Variants in SLC22A24 observed in about 807,000 individuals in gnomAD.
SLC22A24 encodes steroid transmembrane transporter SLC22A24.
In SLC22A24, 53 loss-of-function variants were observed where a neutral mutation model predicts 49.8. The ratio of observed to expected loss-of-function variants is 1.06; its 90% CI spans 0.85 to 1.34. SLC22A24 has a LOEUF of 1.34. Among genes scored for constraint, SLC22A24 ranks in the 40% most tolerant of loss-of-function variants. SLC22A24 has a pLI of 0.00. For synonymous variants in SLC22A24, 302 were observed against 256.4 expected (o/e 1.18, Z -1.70); for missense variants, 786 against 675.9 (o/e 1.16, Z -1.81).
intron 6 of SLC22A24, among the ~76,000 whole-genome samples, chr11:63,091,201 T>C (rs12718479): frequency 0.53 from 81,096 of 151,976 alleles, 21,685 homozygotes; most frequent in African/African-American, 0.55. Flanking sequence ...CAAGATGAAC[T>C]TAGGAAGAAG....
intron 6 of SLC22A24, among the ~76,000 whole-genome samples, chr11:63,090,681 A>ATAAATAAG (rs1357735650): frequency 6.8e-6 from 1 of 148,090 alleles, no homozygotes; most frequent in African/African-American, 2.5e-5. Context: ...AAATAAATAA[A>ATAAATAAG]TAAATAAATA....
intron 4 of SLC22A24, chr11:63,116,076 C>T (rs2087210925): frequency 5.5e-6 from 2 of 363,552 alleles, no homozygotes; most frequent in South Asian, 1.3e-4. Context: ...GTTGCTGACA[C>T]TCTTTGGGAT....
chr11:63,112,922 G>C (rs1278808436), intron 4 of SLC22A24, among the ~76,000 whole-genome samples: 1 of 148,152 alleles, frequency 6.7e-6, no homozygotes, highest in Non-Finnish European at 1.5e-5. Flanking sequence ...GGCTGAGGCA[G>C]GAGAATGGCG....
At position 63,093,418 on chromosome 11, in the gene SLC22A24, A is replaced by C. The variant is rs1243846957; in HGVS notation, c.1070+2573T>G. Among the ~76,000 whole-genome samples the C allele has an allele frequency of 2.0e-5, 3 of 152,180 alleles. No homozygotes were observed. In the East Asian group the frequency reaches 5.8e-4, roughly 29 times the overall value. ...GTATGTTTATTGCAGCACTATTTAT[A>C]ATAGTAAAGTCTTGGAACCAACCCA... On this transcript the variant is annotated intron_variant, in intron 6 of 9. Transcript: ENST00000612278.
intron 6 of SLC22A24, among the ~76,000 whole-genome samples, chr11:63,086,111 C>T (rs962286259): frequency 1.4e-4 from 22 of 152,060 alleles, no homozygotes; most frequent in African/African-American, 4.6e-4. Flanking sequence ...TTCAGCCATT[C>T]GTGGAAAGCA....
chr11:63,139,837 G>A (rs183681297), intron 1 of SLC22A24, among the ~76,000 whole-genome samples: 1 of 152,260 alleles, frequency 6.6e-6, no homozygotes, highest in East Asian at 1.9e-4. Context: ...CTACCTGGAA[G>A]CCAGTAATCC....
At chr11:63,129,774 T>C (rs1297998772) in intron 2 of SLC22A24, among the ~76,000 whole-genome samples, 1 of 142,376 alleles carries the variant, frequency 7.0e-6, no homozygotes, top group African/African-American at 3.1e-5. Flanking sequence ...TTTGGCTCTC[T>C]GTTTGTCTGT....
intron 4 of SLC22A24, among the ~76,000 whole-genome samples, chr11:63,112,481 G>A (rs936326026): frequency 2.6e-5 from 4 of 152,112 alleles, no homozygotes; most frequent in Non-Finnish European, 4.4e-5. Context: ...TCGTGTGGGA[G>A]TCTAAGTCTC....
chr11:63,086,496 G>C (rs2086987751), intron 6 of SLC22A24, among the ~76,000 whole-genome samples: 1 of 152,070 alleles, frequency 6.6e-6, no homozygotes, highest in Admixed American at 6.6e-5. Context: ...GAGTACATAT[G>C]GACACAGAGA....
intron 4 of SLC22A24, among the ~76,000 whole-genome samples, chr11:63,113,692 A>T (rs1316211407): frequency 2.6e-5 from 4 of 152,000 alleles, no homozygotes; most frequent in Admixed American, 6.6e-5. Context: ...CATCTCTACT[A>T]AAAATACAAA....
In SLC22A24 at chr11:63,105,919, T is replaced by C. The variant is rs551151892; in HGVS notation, c.831-1621A>G. On this transcript the variant is annotated intron_variant, in intron 4 of 9. Transcript: ENST00000612278. ...GCACTGTTGCCCTTTTAAAACTGAA[T>C]TTTTTTCTTTTAAATTTTATTATTA... Among the ~76,000 whole-genome samples, 382 of 151,930 alleles carry C rather than the reference T, an allele frequency of 2.5e-3. 2 individuals are homozygous for C. The highest frequency in any genetic ancestry group is 4.0e-3 in the Non-Finnish European group (274 of 67,854).
At chr11:63,102,138 A>G (rs1051913036) in intron 5 of SLC22A24, among the ~76,000 whole-genome samples, 1 of 152,152 alleles carries the variant, frequency 6.6e-6, no homozygotes. Flanking sequence ...TTGAGATCAT[A>G]GATACCGCAT....
At chr11:63,120,618 A>G (rs1439058558) in intron 2 of SLC22A24, among the ~76,000 whole-genome samples, 1 of 152,098 alleles carries the variant, frequency 6.6e-6, no homozygotes, top group African/African-American at 2.4e-5. Context: ...TGTGTCACAG[A>G]CTGGCAGGAA....
At chr11:63,122,933 T>G (rs1284965679) in intron 2 of SLC22A24, among the ~76,000 whole-genome samples, 1 of 152,178 alleles carries the variant, frequency 6.6e-6, no homozygotes, top group Non-Finnish European at 1.5e-5. Flanking sequence ...CATACCTATC[T>G]TCTCAAAACA....
intron 1 of SLC22A24, among the ~76,000 whole-genome samples, chr11:63,138,300 T>C (rs961555520): frequency 4.6e-5 from 7 of 152,144 alleles, no homozygotes; most frequent in African/African-American, 1.7e-4. Context: ...GTTCATGTCA[T>C]AGTCCTACAA....
intron 5 of SLC22A24, among the ~76,000 whole-genome samples, chr11:63,100,094 A>G (rs1304914682): frequency 2.0e-5 from 3 of 152,200 alleles, no homozygotes; most frequent in Non-Finnish European, 2.9e-5. Context: ...GACAAGAGAC[A>G]GATATAAATG....
intron 6 of SLC22A24, among the ~76,000 whole-genome samples, chr11:63,094,987 T>C (rs1651237409): frequency 2.0e-5 from 3 of 152,174 alleles, no homozygotes; most frequent in Non-Finnish European, 1.5e-5. Context: ...TTAGTTTAAT[T>C]AGATCCCATT....
chr11:63,097,702 G>A (rs1269088337), intron 5 of SLC22A24, among the ~76,000 whole-genome samples: 2 of 152,070 alleles, frequency 1.3e-5, no homozygotes, highest in South Asian at 4.2e-4. Context: ...AGAAAACGGG[G>A]CACATATATG....
Position 63,096,419 on chromosome 11 carries a change from T to C in SLC22A24, c.955-313A>G, listed in dbSNP as rs532710519. ...AAATGAAACGGTATTTGTTTAAAGG[T>C]TAAAGGTTTCTTTCTTATCCACTGG... On this transcript the variant is annotated intron_variant, in intron 5 of 9. Transcript: ENST00000612278. Among the ~76,000 whole-genome samples, 185 of 152,292 alleles carry C rather than the reference T, an allele frequency of 1.2e-3. 1 individual carries two copies. The Middle Eastern group carries it at 0.041, about 34-fold the overall frequency.
Sources: allele counts gnomAD v4.1 joint callset (sites outside exome capture counted in the v4.1 genomes callset), GRCh38; gene constraint gnomAD v4.1.1; transcripts MANE v1.5; gene names NCBI Gene and HGNC (gene_info 2026-07-23, HGNC 2026-07-21).